Variants in TNKS observed in about 807,000 individuals in gnomAD.
The protein encoded by TNKS is poly [ADP-ribose] polymerase tankyrase-1.
Under a neutral mutation model 135.8 loss-of-function variants are expected in TNKS, and 72 were observed. The observed-to-expected ratio is 0.53, with a 90% confidence interval of 0.44 to 0.64. The LOEUF is 0.64. Ranked by LOEUF, TNKS falls within the 30% of genes least tolerant of loss-of-function variation. TNKS has a pLI of 0.00. For missense variants in TNKS, 1,769 were observed against 1,674.0 expected (o/e 1.06, Z -0.99); for synonymous variants, 849 against 649.3 (o/e 1.31, Z -4.68).
At chr8:9,646,862 C>G (rs956985753) in intron 3 of TNKS, among the ~76,000 whole-genome samples, 1 of 152,072 alleles carries the variant, frequency 6.6e-6, no homozygotes, top group Admixed American at 6.6e-5. Flanking sequence ...CTTTTGTACT[C>G]TGGCAGTTCA....
intron 26 of TNKS, among the ~76,000 whole-genome samples, chr8:9,771,048 G>A (rs1177395699): frequency 6.6e-6 from 1 of 152,116 alleles, no homozygotes; most frequent in Non-Finnish European, 1.5e-5. Context: ...GGTTTCTAAC[G>A]TGTGTGTACA....
intron 2 of TNKS, among the ~76,000 whole-genome samples, chr8:9,587,742 A>G (rs533255149): frequency 6.6e-6 from 1 of 152,306 alleles, no homozygotes; most frequent in African/African-American, 2.4e-5. Context: ...CGTCAGATTT[A>G]GGATCTCCAG....
At chr8:9,752,058 A>G (rs980076071) in intron 19 of TNKS, among the ~76,000 whole-genome samples, 3 of 152,184 alleles carry the variant, frequency 2.0e-5, no homozygotes, top group Admixed American at 6.5e-5. Flanking sequence ...ATTCTAGAGC[A>G]TCTGTTTACA....
chr8:9,605,485 T>G (rs558490416), intron 2 of TNKS, among the ~76,000 whole-genome samples: 1 of 152,232 alleles, frequency 6.6e-6, no homozygotes, highest in East Asian at 1.9e-4. Flanking sequence ...TTGGTTTGTT[T>G]CCTTTTGAGT....
chr8:9,698,322 A>G (rs192147396), intron 5 of TNKS, among the ~76,000 whole-genome samples: 151 of 148,512 alleles, frequency 1.0e-3, no homozygotes, highest in African/African-American at 3.6e-3. Context: ...CAGTATACCC[A>G]TGTAACAAAC....
intron 3 of TNKS, among the ~76,000 whole-genome samples, chr8:9,645,211 G>A (rs75152057): frequency 0.011 from 1,640 of 152,064 alleles, 25 homozygotes; most frequent in African/African-American, 0.038. Flanking sequence ...ACAAGGGTGG[G>A]GGATGGGTTG....
intron 17 of TNKS, among the ~76,000 whole-genome samples, chr8:9,746,315 G>C (rs890246935): frequency 6.6e-6 from 1 of 152,134 alleles, no homozygotes; most frequent in Non-Finnish European, 1.5e-5. Context: ...CCTATTTGTT[G>C]AATCAGTAGT....
At chr8:9,643,398 T>G (rs1800792469) in intron 3 of TNKS, among the ~76,000 whole-genome samples, 1 of 131,254 alleles carries the variant, frequency 7.6e-6, no homozygotes, top group Non-Finnish European at 1.6e-5. Flanking sequence ...GAATTTGCTT[T>G]TTATAAGAAG....
chr8:9,754,745 T>C (rs893574563), intron 20 of TNKS, among the ~76,000 whole-genome samples: 5 of 152,218 alleles, frequency 3.3e-5, no homozygotes, highest in Non-Finnish European at 2.9e-5. Flanking sequence ...AATATTGTGC[T>C]GCTGTGTCAG....
chr8:9,559,488 G>C (rs995857636), intron 1 of TNKS, among the ~76,000 whole-genome samples: 1 of 152,088 alleles, frequency 6.6e-6, no homozygotes, highest in Non-Finnish European at 1.5e-5. Flanking sequence ...GTGCAGGTTT[G>C]TTACATGGGT....
At chr8:9,758,579 A>G (rs566570256) in intron 20 of TNKS, among the ~76,000 whole-genome samples, 6 of 152,312 alleles carry the variant, frequency 3.9e-5, no homozygotes, top group African/African-American at 1.4e-4. Context: ...TATGTCAACA[A>G]TCTAAGCATG....
intron 3 of TNKS, among the ~76,000 whole-genome samples, chr8:9,634,059 G>C (rs1200079548): frequency 7.0e-6 from 1 of 142,174 alleles, no homozygotes; most frequent in Non-Finnish European, 1.5e-5. Flanking sequence ...AGGAATTAAG[G>C]AAAAAAAACT....
At chr8:9,654,416 C>T (rs1165379744) in intron 3 of TNKS, among the ~76,000 whole-genome samples, 1 of 152,044 alleles carries the variant, frequency 6.6e-6, no homozygotes, top group Non-Finnish European at 1.5e-5. Context: ...AATTTTAATA[C>T]CTTTGCAACT....
intron 3 of TNKS, among the ~76,000 whole-genome samples, chr8:9,660,594 A>G (rs1274470215): frequency 6.6e-6 from 1 of 152,204 alleles, no homozygotes; most frequent in African/African-American, 2.4e-5. Context: ...TCTCAAAATA[A>G]TAAGAGCTAT....
chr8:9,649,639 C>G (rs143072420), intron 3 of TNKS, among the ~76,000 whole-genome samples: 1,790 of 151,640 alleles, frequency 0.012, 34 homozygotes, highest in African/African-American at 0.039. Flanking sequence ...ACCCTTCCCC[C>G]CAAGTCCCCA....
In TNKS at chr8:9,602,633, A is replaced by G. The variant is rs1015957660; in HGVS notation, c.899-12949A>G. Among the ~76,000 whole-genome samples, 4 of 152,362 alleles carry G rather than the reference A, an allele frequency of 2.6e-5. No homozygotes were observed. The South Asian group carries it at 6.2e-4, about 24-fold the overall frequency. ...ACGCCCAGCAAAGAATTAGCTGGTC[A>G]AGAATGTCAGTAGTTCAAATGGAGA... On this transcript the variant is annotated intron_variant, in intron 2 of 26. Transcript: ENST00000310430.
chr8:9,638,221 C>T (rs1303471681), intron 3 of TNKS, among the ~76,000 whole-genome samples: 1 of 152,218 alleles, frequency 6.6e-6, no homozygotes, highest in Non-Finnish European at 1.5e-5. Context: ...GAGATCCTAT[C>T]ACCGCAGCCT....
rs371308270 is a variant in TNKS at position 9,561,974 on chromosome 8, G to C, written c.673+5362G>C. 3.8e-4 allele frequency among the ~76,000 whole-genome samples: 57 copies of C among 151,972 alleles called. No homozygotes were observed. In the East Asian group the frequency reaches 5.8e-3, roughly 15 times the overall value. On this transcript the variant is annotated intron_variant, in intron 1 of 26. Coordinates refer to ENST00000310430, the MANE Select transcript of TNKS (RefSeq NM_003747.3). ...TGGGATTACAGGCGCCCACCACCACGCCCAGCTAATTTTTGTATTTTTAGT... is the reference window on the plus strand; with the variant it reads ...TGGGATTACAGGCGCCCACCACCACCCCCAGCTAATTTTTGTATTTTTAGT...
chr8:9,642,314 G>A lies in TNKS; in HGVS notation c.994+26637G>A, dbSNP rs190892433. Among the ~76,000 whole-genome samples the A allele has an allele frequency of 3.3e-4, 48 of 146,364 alleles. 3 individuals carry two copies. Among genetic ancestry groups the A allele is most frequent in the Admixed American group, 5.0e-4 (7 of 13,946 alleles). On this transcript the variant is annotated intron_variant, in intron 3 of 26. Coordinates refer to ENST00000310430, the MANE Select transcript of TNKS (RefSeq NM_003747.3). ...AGAGAATAGTTTTTAGTATTTGAAC[G>A]GTGCTAGTTTTCCTTAATTATTGTA...
Sources: allele counts gnomAD v4.1 joint callset (sites outside exome capture counted in the v4.1 genomes callset), GRCh38; gene constraint gnomAD v4.1.1; transcripts MANE v1.5; gene names NCBI Gene and HGNC (gene_info 2026-07-23, HGNC 2026-07-21).